The following ZNF722 variants were observed in gnomAD, a reference collection of about 807,000 sequenced individuals.
ZNF722 encodes zinc finger protein 479 pseudogene.
At chr7:64,013,683 C>T in the ZNF722 span, among the ~76,000 whole-genome samples, 3 of 152,010 alleles carry the variant, frequency 2.0e-5, no homozygotes, top group Non-Finnish European at 4.4e-5. Context: ...GGCACCATCA[C>T]AATAATGCCA....
At chr7:64,014,665 T>G in the ZNF722 span, among the ~76,000 whole-genome samples, 1 of 152,226 alleles carries the variant, frequency 6.6e-6, no homozygotes, top group Non-Finnish European at 1.5e-5. Context: ...TCAGTCTTTC[T>G]GCTGTTGTAA....
chr7:64,003,824 T>G, the ZNF722 span, among the ~76,000 whole-genome samples: 750 of 152,276 alleles, frequency 4.9e-3, 5 homozygotes, highest in African/African-American at 0.017. Context: ...ATACTCAAGA[T>G]TTCTATTGGG....
At chr7:64,005,760 A>G in the ZNF722 span, 1 of 1,504,054 alleles carries the variant, frequency 6.6e-7, no homozygotes, top group Non-Finnish European at 9.1e-7. Flanking sequence ...TTCAATACAC[A>G]ATTCCTAATA....
the ZNF722 span, among the ~76,000 whole-genome samples, chr7:64,000,533 C>T: frequency 1.5e-4 from 20 of 136,216 alleles, no homozygotes; most frequent in Non-Finnish European, 2.3e-4. Context: ...TCACTGCAAC[C>T]TCTGGCTTTC....
At chr7:64,004,456 A>ATATATATATATATATATATATATAT in the ZNF722 span, among the ~76,000 whole-genome samples, 1 of 140,222 alleles carries the variant, frequency 7.1e-6, no homozygotes, top group African/African-American at 2.7e-5. Context: ...ATATATATAT[A>ATATATATATATATATATATATATAT]AAATTAAATT....
chr7:64,017,481 CAT>C, the ZNF722 span, among the ~76,000 whole-genome samples: 1 of 152,168 alleles, frequency 6.6e-6, no homozygotes, highest in African/African-American at 2.4e-5. Flanking sequence ...TGAAGACAAA[CAT>C]ACAAACATAA....
the ZNF722 span, among the ~76,000 whole-genome samples, chr7:64,003,664 G>A: frequency 6.6e-6 from 1 of 151,682 alleles, no homozygotes; most frequent in Non-Finnish European, 1.5e-5. Context: ...AAGGCGTTCT[G>A]AAAAAAAATA....
chr7:64,007,059 A>G, the ZNF722 span, among the ~76,000 whole-genome samples: 1 of 151,584 alleles, frequency 6.6e-6, no homozygotes, highest in Non-Finnish European at 1.5e-5. Flanking sequence ...ATAGGTTTCA[A>G]TTTCTTTACA....
the ZNF722 span, chr7:64,014,965 T>C: frequency 1.7e-6 from 2 of 1,147,094 alleles, no homozygotes; most frequent in Non-Finnish European, 2.5e-6. Context: ...ATATATTCGA[T>C]TTGTAAAGTA....
At chr7:63,998,941 C>T in the ZNF722 span, 6 of 1,574,140 alleles carry the variant, frequency 3.8e-6, 1 homozygote, top group Non-Finnish European at 5.2e-6. Flanking sequence ...GGCCTTGTGT[C>T]CTGCAGGTAT....
the ZNF722 span, chr7:64,015,561 G>A: frequency 6.2e-7 from 1 of 1,613,654 alleles, no homozygotes; most frequent in Non-Finnish European, 8.5e-7. Flanking sequence ...TCATACTGGA[G>A]AGAAACCCTA....
chr7:64,005,062 G>A, the ZNF722 span, among the ~76,000 whole-genome samples: 1 of 152,146 alleles, frequency 6.6e-6, no homozygotes, highest in African/African-American at 2.4e-5. Flanking sequence ...ACTTTGGGAG[G>A]CCGAGGTGGG....
chr7:63,999,759 G>A, the ZNF722 span, among the ~76,000 whole-genome samples: 3 of 152,068 alleles, frequency 2.0e-5, no homozygotes, highest in East Asian at 3.9e-4. Flanking sequence ...GTGCAATGGC[G>A]CGATCTCGGC....
chr7:63,998,982 C>T, the ZNF722 span: 1 of 1,579,410 alleles, frequency 6.3e-7, no homozygotes, highest in South Asian at 1.1e-5. Flanking sequence ...GACCGGGATC[C>T]CCTGGAAGCC....
At chr7:64,015,221 C>A in the ZNF722 span, 2 of 1,250,786 alleles carry the variant, frequency 1.6e-6, no homozygotes, top group South Asian at 1.2e-5. Context: ...TGTCAAATAC[C>A]CAAAACAAAA....
chr7:64,014,257 T>C, the ZNF722 span, among the ~76,000 whole-genome samples: 21 of 152,202 alleles, frequency 1.4e-4, no homozygotes, highest in African/African-American at 4.1e-4. Flanking sequence ...TTCTCATTTA[T>C]CTGATATCTG....
the ZNF722 span, among the ~76,000 whole-genome samples, chr7:64,000,506 A>AGT: frequency 8.6e-6 from 1 of 115,892 alleles, no homozygotes; most frequent in Non-Finnish European, 1.6e-5. Flanking sequence ...GCTGGAGTGC[A>AGT]GTGGTGCGAT....
chr7:64,017,494 A>G, the ZNF722 span, among the ~76,000 whole-genome samples: 1 of 152,256 alleles, frequency 6.6e-6, no homozygotes. Context: ...ACAAACATAA[A>G]GAGGATTGTT....
At chr7:64,014,491 T>G in the ZNF722 span, among the ~76,000 whole-genome samples, 2 of 152,198 alleles carry the variant, frequency 1.3e-5, no homozygotes, top group African/African-American at 4.8e-5. Flanking sequence ...TGGCATAGCC[T>G]GAAACCAATT....
Sources: gnomAD v4.1 joint callset for allele counts (sites outside exome capture counted in the v4.1 genomes callset) on GRCh38, gnomAD v4.1.1 for gene constraint, MANE v1.5 for transcripts, NCBI Gene and HGNC (gene_info 2026-07-23, HGNC 2026-07-21) for gene names.